Variants in CDH8 observed in about 807,000 individuals in gnomAD.
CDH8 encodes the protein cadherin-8.
In CDH8, 17 loss-of-function variants were observed where a neutral mutation model predicts 68.1. The observed-to-expected ratio is 0.25, with a 90% CI of 0.17 to 0.37. The LOEUF (loss-of-function observed/expected upper bound fraction) is 0.37, where lower values mean the gene tolerates loss of function less well. Ranked by LOEUF, CDH8 falls within the 10% of genes least tolerant of loss-of-function variation. CDH8 has a pLI of 1.00. For missense variants in CDH8, 763 were observed against 999.3 expected (o/e 0.76, Z 3.19); for synonymous variants, 372 against 365.1 (o/e 1.02, Z -0.21).
intron 2 of CDH8, among the ~76,000 whole-genome samples, chr16:61,914,145 C>A (rs1380691543): frequency 6.6e-6 from 1 of 152,104 alleles, no homozygotes; most frequent in Non-Finnish European, 1.5e-5. Context: ...CATCACAAAC[C>A]AAGGAGAGAA....
At chr16:61,729,040 T>C (rs1247084201) in intron 8 of CDH8, among the ~76,000 whole-genome samples, 3 of 151,268 alleles carry the variant, frequency 2.0e-5, no homozygotes, top group Non-Finnish European at 4.4e-5. Flanking sequence ...ATATTGAATG[T>C]TTACTATTCA....
intron 3 of CDH8, among the ~76,000 whole-genome samples, chr16:61,858,769 G>A (rs527636489): frequency 8.5e-5 from 13 of 152,240 alleles, no homozygotes; most frequent in South Asian, 2.1e-4. Context: ...TGGCATGCCC[G>A]TTGAGGAAAT....
At chr16:61,927,070 G>C (rs1338935106) in intron 2 of CDH8, among the ~76,000 whole-genome samples, 1 of 152,082 alleles carries the variant, frequency 6.6e-6, no homozygotes, top group African/African-American at 2.4e-5. Context: ...TGATTCACTT[G>C]TCATGTAATT....
At chr16:61,755,915 G>T (rs1386000858) in intron 8 of CDH8, among the ~76,000 whole-genome samples, 3 of 152,074 alleles carry the variant, frequency 2.0e-5, no homozygotes, top group Non-Finnish European at 4.4e-5. Flanking sequence ...CTGCCTCGCT[G>T]GTTCAAGCGA....
intron 10 of CDH8, among the ~76,000 whole-genome samples, chr16:61,707,720 A>C (rs1337254898): frequency 6.6e-6 from 1 of 152,168 alleles, no homozygotes; most frequent in Non-Finnish European, 1.5e-5. Flanking sequence ...TGCTGTAATG[A>C]GTTGAAATAA....
At chr16:61,965,462 C>A (rs926751092) in intron 2 of CDH8, among the ~76,000 whole-genome samples, 2 of 152,156 alleles carry the variant, frequency 1.3e-5, no homozygotes, top group African/African-American at 2.4e-5. Context: ...TCCAAGGACC[C>A]CTTTATGAAA....
intron 3 of CDH8, among the ~76,000 whole-genome samples, chr16:61,885,819 T>C (rs867834336): frequency 3.9e-5 from 6 of 152,270 alleles, no homozygotes; most frequent in South Asian, 2.1e-4. Context: ...TTTTGCCCTT[T>C]GTTTTCAGTC....
intron 10 of CDH8, among the ~76,000 whole-genome samples, chr16:61,662,900 G>A (rs1271857143): frequency 6.6e-6 from 1 of 151,786 alleles, no homozygotes; most frequent in Non-Finnish European, 1.5e-5. Context: ...CCCAGTTAGG[G>A]ATTTTCCTGT....
At chr16:61,828,793 T>G (rs1302573024) in intron 4 of CDH8, among the ~76,000 whole-genome samples, 2 of 151,854 alleles carry the variant, frequency 1.3e-5, no homozygotes, top group Non-Finnish European at 2.9e-5. Flanking sequence ...TGACCATGAA[T>G]AAATTATTAA....
chr16:61,917,062 AGT>A (rs57232370), intron 2 of CDH8, among the ~76,000 whole-genome samples: 11,385 of 137,120 alleles, frequency 0.083, 430 homozygotes, highest in Middle Eastern at 0.11. Context: ...TTTACCTATT[AGT>A]GTGTGTGTGT....
At chr16:61,677,500 C>T (rs886855230) in intron 10 of CDH8, among the ~76,000 whole-genome samples, 1 of 151,758 alleles carries the variant, frequency 6.6e-6, no homozygotes, top group Non-Finnish European at 1.5e-5. Flanking sequence ...ACTGGGGTTT[C>T]CTTTAAGATG....
At chr16:61,973,849 G>C (rs2150578549) in intron 2 of CDH8, among the ~76,000 whole-genome samples, 1 of 152,286 alleles carries the variant, frequency 6.6e-6, no homozygotes, top group East Asian at 1.9e-4. Flanking sequence ...ACTTTTCCAA[G>C]AACTACATGT....
At chr16:61,735,369 T>A (rs187169845) in intron 8 of CDH8, among the ~76,000 whole-genome samples, 1 of 152,130 alleles carries the variant, frequency 6.6e-6, no homozygotes, top group Non-Finnish European at 1.5e-5. Context: ...AACAGAGATA[T>A]GCGACATTAA....
intron 10 of CDH8, chr16:61,693,253 T>G (rs1964267831): frequency 6.6e-6 from 1 of 152,176 alleles, no homozygotes; most frequent in Admixed American, 6.5e-5. Context: ...TAAACTAGTT[T>G]GGGGAGAAGA....
chr16:61,783,838 G>A (rs1311533764), intron 8 of CDH8, among the ~76,000 whole-genome samples: 1 of 152,110 alleles, frequency 6.6e-6, no homozygotes, highest in Non-Finnish European at 1.5e-5. Context: ...GCCAAACTAA[G>A]CTTCATAAGT....
At chr16:62,018,348 C>T (rs1245999295) in intron 2 of CDH8, among the ~76,000 whole-genome samples, 2 of 152,154 alleles carry the variant, frequency 1.3e-5, no homozygotes, top group Admixed American at 1.3e-4. Context: ...TCAGAGGCGC[C>T]GCCATGGTGA....
intron 2 of CDH8, among the ~76,000 whole-genome samples, chr16:61,916,271 C>G (rs1161935871): frequency 6.6e-6 from 1 of 152,032 alleles, no homozygotes; most frequent in African/African-American, 2.4e-5. Flanking sequence ...CCCAGCACTT[C>G]GGGAGGCTGA....
chr16:61,887,809 T>C lies in CDH8; in HGVS notation c.547+13370A>G, dbSNP rs943889839. 5.3e-5 allele frequency among the ~76,000 whole-genome samples: 8 copies of C among 152,234 alleles called. No individual in the cohort carries two copies. In the East Asian group the frequency reaches 1.4e-3, roughly 26 times the overall value. On this transcript the variant is annotated intron_variant, in intron 3 of 11. Coordinates refer to ENST00000577390, the MANE Select transcript of CDH8 (RefSeq NM_001796.5). ...AAATGTGTTAATACTTGACTGATAT[T>C]ATAATCTTTATATAATATATAATGT...
chr16:62,023,280 G>C (rs968059270), intron 1 of CDH8, among the ~76,000 whole-genome samples: 1 of 152,094 alleles, frequency 6.6e-6, no homozygotes, highest in Admixed American at 6.5e-5. Context: ...AGACCCGAGC[G>C]AGAAGTTGGT....
Sources: gnomAD v4.1 joint callset for allele counts (sites outside exome capture counted in the v4.1 genomes callset) on GRCh38, gnomAD v4.1.1 for gene constraint, MANE v1.5 for transcripts, NCBI Gene and HGNC (gene_info 2026-07-23, HGNC 2026-07-21) for gene names.